The following CERT1 variants were observed in gnomAD, a reference collection of about 807,000 sequenced individuals.
The protein encoded by CERT1 is ceramide transfer protein.
In CERT1, 31 loss-of-function variants were observed where a neutral mutation model predicts 87.9. The ratio of observed to expected loss-of-function variants is 0.35; its 90% CI spans 0.27 to 0.48. The LOEUF (loss-of-function observed/expected upper bound fraction) is 0.48. Among genes scored for constraint, CERT1 ranks in the 20% least tolerant of loss-of-function variants. The pLI is 0.99. For missense variants in CERT1, 487 were observed against 758.0 expected (o/e 0.64, Z 4.20); for synonymous variants, 289 against 250.9 (o/e 1.15, Z -1.44).
chr5:75,496,096 G>A (rs1056089786), intron 2 of CERT1, among the ~76,000 whole-genome samples: 2 of 151,778 alleles, frequency 1.3e-5, no homozygotes, highest in Non-Finnish European at 2.9e-5. Context: ...CAAACGTTAC[G>A]GTATCCAGAA....
Position 75,402,959 on chromosome 5 carries a change from A to G in CERT1, c.1017+13T>C, listed in dbSNP as rs2112092933. On this transcript the variant is annotated intron_variant, in intron 9 of 16. Transcript: ENST00000643780. ...AATAAATTTCAGCTTAGAATTTTCAATAATAGATATACCTGTTCTTCTATT... is the reference window on the plus strand; with the variant it reads ...AATAAATTTCAGCTTAGAATTTTCAGTAATAGATATACCTGTTCTTCTATT... The G allele has an allele frequency of 1.3e-6, 2 of 1,539,490 alleles. No individual in the cohort carries two copies. Among genetic ancestry groups the G allele is most frequent in the South Asian group, 1.1e-5 (1 of 88,924 alleles).
intron 3 of CERT1, among the ~76,000 whole-genome samples, chr5:75,452,983 G>C: frequency 6.6e-6 from 1 of 152,248 alleles, no homozygotes; most frequent in Admixed American, 6.5e-5. Context: ...GTTATAAATT[G>C]AAATATAATT....
At chr5:75,466,963 T>C (rs1468181423) in intron 2 of CERT1, among the ~76,000 whole-genome samples, 2 of 152,230 alleles carry the variant, frequency 1.3e-5, no homozygotes, top group East Asian at 3.8e-4. Flanking sequence ...TCCTCTTTAT[T>C]GAATGCTGAA....
intron 3 of CERT1, among the ~76,000 whole-genome samples, chr5:75,445,159 T>C (rs771194903): frequency 9.2e-5 from 14 of 152,236 alleles, no homozygotes; most frequent in Non-Finnish European, 1.9e-4. Flanking sequence ...ACAAACCAGT[T>C]ACAATACTAT....
intron 2 of CERT1, among the ~76,000 whole-genome samples, chr5:75,497,654 AG>A (rs968707937): frequency 2.6e-5 from 4 of 152,048 alleles, no homozygotes; most frequent in African/African-American, 9.7e-5. Context: ...CGCCCTGTTA[AG>A]AGGTGACTTC....
At chr5:75,506,161 A>C in intron 1 of CERT1, 45 bp from the exon 2 acceptor site, 1 of 1,585,672 alleles carries the variant, frequency 6.3e-7, no homozygotes, top group Non-Finnish European at 8.6e-7. Context: ...AACAAAAAAT[A>C]GAAGTATTTT....
chr5:75,446,129 T>G (rs976286353), intron 3 of CERT1, among the ~76,000 whole-genome samples: 1 of 152,224 alleles, frequency 6.6e-6, no homozygotes, highest in Non-Finnish European at 1.5e-5. Context: ...CCTGGCACTC[T>G]CAAAATGTAT....
intron 3 of CERT1, among the ~76,000 whole-genome samples, chr5:75,427,468 G>A (rs1336573671): frequency 6.6e-6 from 1 of 152,026 alleles, no homozygotes; most frequent in African/African-American, 2.4e-5. Context: ...GCATGGTGGC[G>A]GGCACCTGTA....
chr5:75,475,855 T>A (rs1225409683), intron 2 of CERT1, among the ~76,000 whole-genome samples: 2 of 152,130 alleles, frequency 1.3e-5, no homozygotes, highest in Non-Finnish European at 2.9e-5. Context: ...GAAGTTCCAA[T>A]TCCTTATCTA....
At chr5:75,375,896 T>G (rs1761285735), downstream of CERT1, 1 of 151,472 alleles carries the variant, frequency 6.6e-6, no homozygotes, top group Admixed American at 6.6e-5. Context: ...TTTTACCATG[T>G]TAAGGTTTGA....
At position 75,417,234 on chromosome 5, in the gene CERT1, G is replaced by A. The variant is rs1330318027; in HGVS notation, c.680-201C>T. On this transcript the variant is annotated intron_variant, in intron 6 of 16. Transcript: ENST00000643780. ...TTCGTGGCAGCATATGTACTTTCAA[G>A]TCCTTTTTTTCTAGATTCTGTTTCC... 3.3e-5 allele frequency among the ~76,000 whole-genome samples: 5 copies of A among 152,118 alleles called. No homozygotes were observed. The East Asian group carries it at 9.6e-4, about 29-fold the overall frequency.
At chr5:75,452,608 A>G (rs1297113021) in intron 3 of CERT1, among the ~76,000 whole-genome samples, 1 of 152,164 alleles carries the variant, frequency 6.6e-6, no homozygotes, top group Non-Finnish European at 1.5e-5. Flanking sequence ...TAAAAAAATA[A>G]TAGCATCAAA....
At chr5:75,492,113 G>A (rs1261836300) in intron 2 of CERT1, among the ~76,000 whole-genome samples, 2 of 152,126 alleles carry the variant, frequency 1.3e-5, no homozygotes, top group African/African-American at 4.8e-5. Flanking sequence ...AGAGGCCAAG[G>A]CTGGAGGACT....
intron 1 of CERT1, among the ~76,000 whole-genome samples, chr5:75,506,491 T>C (rs191715901): frequency 1.3e-3 from 205 of 152,332 alleles, no homozygotes; most frequent in Admixed American, 2.4e-3. Flanking sequence ...AATTAACATA[T>C]TCAACAGAGA....
At chr5:75,418,787 T>C (rs1156354997) in intron 6 of CERT1, among the ~76,000 whole-genome samples, 1 of 152,140 alleles carries the variant, frequency 6.6e-6, no homozygotes, top group African/African-American at 2.4e-5. Flanking sequence ...AACTAATCTA[T>C]AGTGTCAGAA....
At chr5:75,510,866 T>C (rs1228105327) in intron 1 of CERT1, among the ~76,000 whole-genome samples, 1 of 152,170 alleles carries the variant, frequency 6.6e-6, no homozygotes, top group African/African-American at 2.4e-5. Context: ...GGCGCGCATC[T>C]GGCCTCCCAA....
intron 5 of CERT1, 29 bp from the exon 6 acceptor site, chr5:75,419,453 G>C (rs529688372): frequency 7.0e-7 from 1 of 1,437,244 alleles, no homozygotes; most frequent in East Asian, 2.3e-5. Context: ...AGGAAATTAG[G>C]ATGAAAAGAA....
At chr5:75,377,667 A>C (rs1163913949), downstream of CERT1, 3 of 152,222 alleles carry the variant, frequency 2.0e-5, no homozygotes, top group Non-Finnish European at 2.9e-5. Flanking sequence ...TGTGTAGAAA[A>C]TACACTTGTA....
intron 1 of CERT1, among the ~76,000 whole-genome samples, chr5:75,510,080 T>C (rs1418493565): frequency 6.6e-6 from 1 of 152,188 alleles, no homozygotes; most frequent in Non-Finnish European, 1.5e-5. Flanking sequence ...AATGTCCAAG[T>C]GATTTGCCAA....
Sources: allele counts gnomAD v4.1 joint callset (sites outside exome capture counted in the v4.1 genomes callset), GRCh38; gene constraint gnomAD v4.1.1; transcripts MANE v1.5; gene names NCBI Gene and HGNC (gene_info 2026-07-23, HGNC 2026-07-21).